Variants in URI1 observed in about 807,000 individuals in gnomAD.
The protein encoded by URI1 is unconventional prefoldin RPB5 interactor 1.
Under a neutral mutation model 60.2 loss-of-function variants are expected in URI1, and 39 were observed. That is an observed-to-expected ratio of 0.65 (90% CI 0.50 to 0.85). URI1 has a LOEUF of 0.85. Ranked by LOEUF, URI1 falls within the 40% of genes least tolerant of loss-of-function variation. The probability of loss-of-function intolerance (pLI) is 0.00; values close to 1 mark genes in which losing one functional copy is unlikely to be tolerated. For synonymous variants in URI1, 251 were observed against 236.8 expected, an observed-to-expected ratio of 1.06 and a Z score of -0.55; for missense variants, 691 against 665.9, an observed-to-expected ratio of 1.04 and a Z score of -0.42.
chr19:29,938,016 T>C (rs335024), upstream of URI1: 127,294 of 150,976 alleles, frequency 0.84, 53,869 homozygotes, highest in Non-Finnish European at 0.9. Flanking sequence ...GAGGTTTGCC[T>C]GTCTAATTTT....
intron 3 of URI1, 113 bp downstream of exon 3, chr19:29,985,414 C>A: frequency 5.2e-6 from 4 of 766,690 alleles, no homozygotes; most frequent in Non-Finnish European, 6.1e-6. Flanking sequence ...AACTATGTAG[C>A]AAGGAAGATT....
chr19:29,994,061 GTA>G (rs557218692), intron 4 of URI1, among the ~76,000 whole-genome samples: 66 of 144,682 alleles, frequency 4.6e-4, no homozygotes, highest in South Asian at 2.2e-4. Flanking sequence ...ACCTCTGTGT[GTA>G]TGTGTGTGTG....
rs2055364275 is a variant in URI1 at position 29,964,441 on chromosome 19, CTTTTGTTTTTGTT to C, written c.118-6742_118-6730del. 2.2e-5 allele frequency among the ~76,000 whole-genome samples: 3 copies of C among 137,002 alleles called. No individual in the cohort carries two copies. In the South Asian group the frequency reaches 7.3e-4, roughly 33 times the overall value. The allele number at this position is 137,002 out of a possible 152,430, so 89.9% of individuals were successfully genotyped here. The stretch of plus-strand genomic sequence containing the variant: ...ACAGTCTCACTGACAGTGGTGGTTT[CTTTTGTTTTTGTT>C]TTTTGTTTTGTTTTTTTTTTTTTTT... On this transcript the variant is annotated intron_variant, in intron 1 of 10. Transcript: ENST00000392271.
rs1182052163 is a variant in URI1 at position 30,015,565 on chromosome 19, C to A, written c.*496C>A. The A allele has an allele frequency of 1.3e-6, 2 of 1,534,682 alleles. No homozygotes were observed. The highest frequency in any genetic ancestry group is 1.7e-6 in the Non-Finnish European group (2 of 1,146,128). On this transcript the variant is annotated 3_prime_UTR_variant, in exon 11 of 11. Coordinates refer to ENST00000392271, the MANE Select transcript of URI1 (RefSeq NM_003796.3). ...TGCGGCTAGTTGGCTATTCAAGAAA[C>A]CTCGCCCCTCTGAATGTCATACTGT...
intron 3 of URI1, 84 bp from the exon 4 acceptor site, chr19:29,986,191 TTATGTAA>T: frequency 8.0e-7 from 1 of 1,255,720 alleles, no homozygotes; most frequent in Non-Finnish European, 1.0e-6. Context: ...AAAAATTCAG[TTATGTAA>T]GGCTTTTAAT....
Position 30,007,476 on chromosome 19 carries a change from A to G in URI1, c.524A>G (p.His175Arg). The G allele has an allele frequency of 1.2e-6, 2 of 1,612,700 alleles. No individual in the cohort carries two copies. Among genetic ancestry groups the G allele is most frequent in the Non-Finnish European group, 1.7e-6 (2 of 1,179,220 alleles). ...TTTTCCTTTTTCTAAATAGCAAAAC[A>G]CCGAATTGCTCATAAACCGCATTCC... ...IKCDFEFKAK[H>R]RIAHKPHSKP... The change falls in exon 7 of 11, where the codon CAC (histidine) becomes CGC (arginine). Residue 175 changes from histidine to arginine, a missense_variant. By Grantham distance (29) the His-to-Arg change is conservative. Coordinates refer to ENST00000392271, the MANE Select transcript of URI1 (RefSeq NM_003796.3).
At position 30,012,048 on chromosome 19, in the gene URI1, AAAAT is replaced by A. The variant is rs900949198; in HGVS notation, c.1179-226_1179-223del. On this transcript the variant is annotated intron_variant, in intron 9 of 10. Coordinates refer to ENST00000392271, the MANE Select transcript of URI1 (RefSeq NM_003796.3). ...TGTACCCTAGAACTTAAAGTATAAT[AAAAT>A]AAATAAATAACATGCTGTGTTTTAT... is the stretch of plus-strand genomic sequence containing the variant. 9.8e-5 allele frequency among the ~76,000 whole-genome samples: 15 copies of A among 152,306 alleles called. 1 individual carries two copies. The South Asian group carries it at 1.0e-3, about 11-fold the overall frequency.
chr19:30,005,605 T>C, intron 5 of URI1, 46 bp from the exon 6 acceptor site: 3 of 1,591,476 alleles, frequency 1.9e-6, no homozygotes, highest in Non-Finnish European at 2.6e-6. Context: ...TTTAGTATGC[T>C]GGAGATTTGT....
At chr19:30,013,238 T>A (rs1235342688) in intron 10 of URI1, among the ~76,000 whole-genome samples, 1 of 152,234 alleles carries the variant, frequency 6.6e-6, no homozygotes, top group Admixed American at 6.5e-5. Flanking sequence ...GGGGAACCCA[T>A]GCCTGGATCA....
Position 29,995,552 on chromosome 19 carries a change from T to TAA in URI1, c.367+9145_367+9146dup, listed in dbSNP as rs34134350. ...CTTTCTTCTTTTATTTTGTCTTACT[T>TAA]AAAAAAAAAAATAGCTGCCAGGTAG... On this transcript the variant is annotated intron_variant, in intron 4 of 10. Transcript: ENST00000392271. Among the ~76,000 whole-genome samples the TAA allele has an allele frequency of 8.7e-4, 129 of 147,642 alleles. 1 individual carries two copies. Among genetic ancestry groups the TAA allele is most frequent in the Middle Eastern group, 7.1e-3 (2 of 282 alleles).
chr19:30,013,419 C>T (rs1405487743), intron 10 of URI1, among the ~76,000 whole-genome samples: 1 of 151,934 alleles, frequency 6.6e-6, no homozygotes, highest in African/African-American at 2.4e-5. Context: ...GTTTTCTTCC[C>T]CTCTTCTTAG....
intron 1 of URI1, among the ~76,000 whole-genome samples, chr19:29,936,806 G>T (rs947268707): frequency 1.2e-4 from 18 of 152,096 alleles, no homozygotes; most frequent in African/African-American, 4.1e-4. Context: ...AGGCTGGAGT[G>T]CAGTGGCATG....
At position 30,015,706 on chromosome 19, in the gene URI1, A is replaced by G; in HGVS notation, c.*637A>G. On this transcript the variant is annotated 3_prime_UTR_variant, in exon 11 of 11. Coordinates refer to ENST00000392271, the MANE Select transcript of URI1 (RefSeq NM_003796.3). ...AAAAACTTTATGAAACTTGGTCTCA[A>G]AAATGTTGTGAACTTTATGATTCAA... 2 of 943,410 alleles carry G rather than the reference A, an allele frequency of 2.1e-6. No individual in the cohort carries two copies. Among genetic ancestry groups the G allele is most frequent in the Non-Finnish European group, 1.6e-6 (1 of 641,548 alleles). The allele number at this position is 943,410 out of a possible 1,614,324, so 58.4% of individuals were successfully genotyped here.
rs1390280053 is a variant in URI1 at position 29,983,835 on chromosome 19, A to G, written c.153-1388A>G. Among the ~76,000 whole-genome samples, 2 of 152,334 alleles carry G rather than the reference A, an allele frequency of 1.3e-5. 1 individual carries two copies. The highest frequency in any genetic ancestry group is 4.1e-4 in the South Asian group (2 of 4,826). ...TGGAAATACGATCATCTCTGCCCCT[A>G]CAGAGTTACATATACCTTTTGGTTG... is the stretch of plus-strand genomic sequence containing the variant. On this transcript the variant is annotated intron_variant, in intron 2 of 10. Transcript: ENST00000392271.
At chr19:29,999,709 C>T (rs1027667801) in intron 4 of URI1, among the ~76,000 whole-genome samples, 1 of 151,856 alleles carries the variant, frequency 6.6e-6, no homozygotes, top group African/African-American at 2.4e-5. Flanking sequence ...AGATTCGTAC[C>T]TTATCAAGCA....
chr19:29,992,051 A>G (rs183938169), intron 4 of URI1, among the ~76,000 whole-genome samples: 4 of 152,132 alleles, frequency 2.6e-5, no homozygotes, highest in Admixed American at 2.6e-4. Flanking sequence ...TGCTAACTAT[A>G]TCATATTTAA....
chr19:29,933,200 T>A (rs888104048), intron 1 of URI1, among the ~76,000 whole-genome samples: 1 of 152,252 alleles, frequency 6.6e-6, no homozygotes, highest in African/African-American at 2.4e-5. Flanking sequence ...GGATTTGTGT[T>A]ACTTCTTTAA....
chr19:29,942,221 T>C, upstream of URI1: 1 of 984,106 alleles, frequency 1.0e-6, no homozygotes, highest in Non-Finnish European at 1.2e-6. Context: ...GCTTCCGGCG[T>C]GCCGCGAGAG....
At chr19:30,010,085 A>T (rs2055998532) in intron 8 of URI1, among the ~76,000 whole-genome samples, 1 of 152,120 alleles carries the variant, frequency 6.6e-6, no homozygotes, top group African/African-American at 2.4e-5. Flanking sequence ...GGACACTGGG[A>T]ATTCGTCTAA....
Sources: allele counts gnomAD v4.1 joint callset (sites outside exome capture counted in the v4.1 genomes callset), GRCh38; gene constraint gnomAD v4.1.1; transcripts MANE v1.5; gene names NCBI Gene and HGNC (gene_info 2026-07-23, HGNC 2026-07-21).